The following FAAH2 variants were observed in gnomAD, a reference collection of about 807,000 sequenced individuals.
FAAH2 encodes the protein fatty-acid amide hydrolase 2.
In FAAH2, 60 loss-of-function variants were observed where a neutral mutation model predicts 36.9. That is an observed-to-expected ratio of 1.63 (90% CI 1.32 to 2.02). FAAH2 has a LOEUF of 2.02. FAAH2 is among the 30% of genes most tolerant of loss of function. The pLI, the probability that FAAH2 is intolerant of heterozygous loss-of-function variation, is 0.00. For missense variants in FAAH2, 689 were observed against 397.5 expected (o/e 1.73, Z -6.23); for synonymous variants, 214 against 143.8 (o/e 1.49, Z -3.49).
intron 10 of FAAH2, among the ~76,000 whole-genome samples, chrX:57,466,100 G>A (rs12007033): frequency 0.074 from 7,481 of 101,125 alleles, 717 homozygotes; most frequent in African/African-American, 0.24. Flanking sequence ...TATATAAAGT[G>A]AAAGCTATAG....
the FAAH2 span, among the ~76,000 whole-genome samples, chrX:57,263,769 A>G: frequency 8.9e-6 from 1 of 111,761 alleles, no homozygotes; most frequent in Non-Finnish European, 1.9e-5. Flanking sequence ...AGAATAAAAC[A>G]TGAAGAATCT....
intron 2 of FAAH2, among the ~76,000 whole-genome samples, chrX:57,297,283 A>C (rs2052194022): frequency 9.6e-6 from 1 of 104,704 alleles, no homozygotes; most frequent in African/African-American, 3.5e-5. Flanking sequence ...GCCAGAAGAG[A>C]GTGGGGGCCA....
the FAAH2 span, among the ~76,000 whole-genome samples, chrX:57,157,473 G>T: frequency 9.0e-6 from 1 of 111,510 alleles, no homozygotes; most frequent in Non-Finnish European, 1.9e-5. Flanking sequence ...GTAGAAGTCT[G>T]CCTGGTGTTG....
intron 8 of FAAH2, among the ~76,000 whole-genome samples, chrX:57,437,352 C>A (rs900243431): frequency 9.1e-6 from 1 of 110,415 alleles, no homozygotes; most frequent in African/African-American, 3.3e-5. Flanking sequence ...CACTCCTATT[C>A]AACACAGTAC....
the FAAH2 span, among the ~76,000 whole-genome samples, chrX:57,255,169 A>C: frequency 8.9e-6 from 1 of 112,278 alleles, no homozygotes; most frequent in African/African-American, 3.2e-5. Flanking sequence ...TAAACTAGAG[A>C]ATCTAGAAGA....
At chrX:57,140,929 C>A in the FAAH2 span, among the ~76,000 whole-genome samples, 1 of 111,635 alleles carries the variant, frequency 9.0e-6, no homozygotes, top group East Asian at 2.8e-4. Context: ...CAGCATTATG[C>A]AGTGTATTTA....
chrX:57,303,525 A>G (rs2052436597), intron 2 of FAAH2, among the ~76,000 whole-genome samples: 1 of 111,988 alleles, frequency 8.9e-6, no homozygotes, highest in Admixed American at 9.5e-5. Flanking sequence ...TGTGCTAGGT[A>G]CTGTGTTTAT....
intron 7 of FAAH2, among the ~76,000 whole-genome samples, chrX:57,430,204 T>A (rs1355115038): frequency 8.9e-6 from 1 of 111,820 alleles, no homozygotes; most frequent in African/African-American, 3.3e-5. Flanking sequence ...CAAAAACACC[T>A]CTATTGTTCA....
At chrX:57,394,152 C>A (rs780877054) in intron 7 of FAAH2, 2 of 672,439 alleles carry the variant, frequency 3.0e-6, no homozygotes, top group South Asian at 2.2e-5. Context: ...ATAGGAATGA[C>A]CTGGGAGTAG....
chrX:57,295,837 GC>G (rs1201660182), intron 2 of FAAH2, among the ~76,000 whole-genome samples: 5 of 112,481 alleles, frequency 4.4e-5, no homozygotes, highest in Non-Finnish European at 9.4e-5. Context: ...AGGGTCCTAC[GC>G]CCACGGAGCC....
At chrX:57,435,023 T>C (rs1478868303) in intron 8 of FAAH2, among the ~76,000 whole-genome samples, 3 of 111,427 alleles carry the variant, frequency 2.7e-5, no homozygotes, top group African/African-American at 9.8e-5. Flanking sequence ...TCCAGCATGA[T>C]TAAGCTTCAT....
At chrX:57,438,492 A>G (rs1488462948) in intron 8 of FAAH2, among the ~76,000 whole-genome samples, 1 of 110,082 alleles carries the variant, frequency 9.1e-6, no homozygotes, top group Admixed American at 9.7e-5. Context: ...AATATAAACA[A>G]AATTACCATA....
At chrX:57,176,434 T>G in the FAAH2 span, among the ~76,000 whole-genome samples, 1 of 111,792 alleles carries the variant, frequency 8.9e-6, no homozygotes, top group Non-Finnish European at 1.9e-5. Flanking sequence ...CTGATTATTG[T>G]TTCTTTAAAT....
rs372783296 is a variant in FAAH2 at position 57,378,703 on chromosome X, G to T, written c.795G>T (p.Leu265Phe). ...QFPLAVGAQE[L>F]FLCTGPMCRY... ...CCTTGGCTGTGGGAGCCCAGGAGTTGTTTCTGTGCACTGGTCCTATGTGCC... is the reference window on the plus strand; with the variant it reads ...CCTTGGCTGTGGGAGCCCAGGAGTTTTTTCTGTGCACTGGTCCTATGTGCC... The change falls in exon 6 of 11, where the codon TTG becomes TTT. Residue 265 changes from leucine to phenylalanine, a missense_variant. Leu to Phe is a conservative substitution (Grantham distance 22). Coordinates refer to ENST00000374900, the MANE Select transcript of FAAH2 (RefSeq NM_174912.4). The T allele has an allele frequency of 4.1e-6, 5 of 1,211,185 alleles. No individual in the cohort carries two copies. The highest frequency in any genetic ancestry group is 3.5e-5 in the South Asian group (2 of 56,979).
chrX:57,170,868 C>CTT, the FAAH2 span, among the ~76,000 whole-genome samples: 4 of 100,770 alleles, frequency 4.0e-5, no homozygotes, highest in African/African-American at 1.8e-4. Flanking sequence ...CCATGACCAG[C>CTT]TATTTTTTTT....
intron 8 of FAAH2, among the ~76,000 whole-genome samples, chrX:57,443,105 C>T (rs1482314970): frequency 9.0e-6 from 1 of 111,472 alleles, no homozygotes; most frequent in Middle Eastern, 4.7e-3. Context: ...TTGCTCTTCT[C>T]GAGGAATATC....
At chrX:57,275,448 C>T in the FAAH2 span, among the ~76,000 whole-genome samples, 1 of 111,953 alleles carries the variant, frequency 8.9e-6, no homozygotes. Context: ...AAAAGACAAC[C>T]AGTACCAGCC....
At chrX:57,410,647 T>C (rs758910589) in intron 7 of FAAH2, among the ~76,000 whole-genome samples, 7 of 111,672 alleles carry the variant, frequency 6.3e-5, no homozygotes, top group Non-Finnish European at 1.3e-4. Flanking sequence ...CCTTATTTTT[T>C]ACTTCAACTA....
chrX:57,434,794 AAGAC>A (rs1421095612), intron 8 of FAAH2, among the ~76,000 whole-genome samples: 1 of 111,543 alleles, frequency 9.0e-6, no homozygotes, highest in Non-Finnish European at 1.9e-5. Context: ...CCAGCAATCC[AAGAC>A]AAATACATTG....
Sources: gnomAD v4.1 joint callset for allele counts (sites outside exome capture counted in the v4.1 genomes callset) on GRCh38, gnomAD v4.1.1 for gene constraint, MANE v1.5 for transcripts, NCBI Gene and HGNC (gene_info 2026-07-23, HGNC 2026-07-21) for gene names.